POU6F2: variants seen among roughly 807,000 people sequenced by gnomAD.
The protein encoded by POU6F2 is POU class 6 homeobox 2.
Under a neutral mutation model 71.3 loss-of-function variants are expected in POU6F2, and 31 were observed. The ratio of observed to expected loss-of-function variants is 0.43; its 90% CI spans 0.33 to 0.59. The LOEUF is 0.59. Ranked by LOEUF, POU6F2 falls within the 20% of genes least tolerant of loss-of-function variation. The pLI, the probability that POU6F2 is intolerant of heterozygous loss-of-function variation, is 0.04. For missense variants in POU6F2, 783 were observed against 856.8 expected, an observed-to-expected ratio of 0.91 and a Z score of 1.07; for synonymous variants, 347 against 355.7, an observed-to-expected ratio of 0.98 and a Z score of 0.27.
intron 1 of POU6F2, among the ~76,000 whole-genome samples, chr7:39,027,252 T>C (rs971241763): frequency 6.6e-6 from 1 of 152,174 alleles, no homozygotes; most frequent in Admixed American, 6.5e-5. Flanking sequence ...TTGGGTACCT[T>C]TGATATTGCA....
chr7:39,061,805 T>TC (rs1180000849), intron 1 of POU6F2, among the ~76,000 whole-genome samples: 1 of 152,154 alleles, frequency 6.6e-6, no homozygotes, highest in African/African-American at 2.4e-5. Context: ...CATTCATTTT[T>TC]CCCCAAAAAA....
At chr7:39,364,260 C>CTTTT (rs112590056) in intron 5 of POU6F2, among the ~76,000 whole-genome samples, 5 of 143,958 alleles carry the variant, frequency 3.5e-5, no homozygotes, top group African/African-American at 1.0e-4. Flanking sequence ...TCTCTATTCT[C>CTTTT]TTTTTTTTTT....
chr7:39,379,780 C>T (rs1387419785), intron 5 of POU6F2, among the ~76,000 whole-genome samples: 1 of 152,198 alleles, frequency 6.6e-6, no homozygotes, highest in African/African-American at 2.4e-5. Flanking sequence ...ACCAACTCCC[C>T]TGGTTTTCAG....
At chr7:39,041,180 T>C (rs1296570946) in intron 1 of POU6F2, among the ~76,000 whole-genome samples, 2 of 152,014 alleles carry the variant, frequency 1.3e-5, no homozygotes, top group Non-Finnish European at 1.5e-5. Context: ...TCAGTACATA[T>C]AGCTTTATCT....
intron 5 of POU6F2, among the ~76,000 whole-genome samples, chr7:39,394,714 T>C (rs1210725817): frequency 6.6e-6 from 1 of 152,196 alleles, no homozygotes; most frequent in Non-Finnish European, 1.5e-5. Flanking sequence ...ATCTGCTCAA[T>C]TGGTCTGTGA....
chr7:39,412,724 G>A (rs1244622396), intron 6 of POU6F2, among the ~76,000 whole-genome samples: 10 of 98,300 alleles, frequency 1.0e-4, no homozygotes, highest in Non-Finnish European at 2.0e-5. Context: ...AGGCACTCTT[G>A]TTTAACCACC....
intron 2 of POU6F2, among the ~76,000 whole-genome samples, chr7:39,123,920 GAATATAAATTGCATAGATGC>G (rs567242236): frequency 1.1e-4 from 16 of 151,942 alleles, no homozygotes; most frequent in South Asian, 2.1e-4. Flanking sequence ...TACATATACA[GAATATAAATTGCATAGATGC>G]AATATAAATT....
chr7:39,060,647 T>C (rs1239393153), intron 1 of POU6F2, among the ~76,000 whole-genome samples: 1 of 152,178 alleles, frequency 6.6e-6, no homozygotes, highest in Non-Finnish European at 1.5e-5. Context: ...AGTCCAACAA[T>C]GCTGTGTAGC....
chr7:39,312,699 C>T (rs1242694457), intron 4 of POU6F2, among the ~76,000 whole-genome samples: 3 of 152,296 alleles, frequency 2.0e-5, no homozygotes, highest in Admixed American at 1.3e-4. Context: ...TCTTGCACTT[C>T]GAGGCCACTA....
intron 5 of POU6F2, among the ~76,000 whole-genome samples, chr7:39,390,368 C>T (rs1379377466): frequency 6.6e-6 from 1 of 152,168 alleles, no homozygotes; most frequent in African/African-American, 2.4e-5. Context: ...TGCACTCCAG[C>T]CTGGGCGGCA....
chr7:39,133,778 G>T (rs113099588), intron 2 of POU6F2, among the ~76,000 whole-genome samples: 2,158 of 152,324 alleles, frequency 0.014, 54 homozygotes, highest in African/African-American at 0.048. Context: ...TATTCACATA[G>T]ACCACAATGT....
chr7:39,420,334 G>A (rs1021192245), intron 6 of POU6F2, among the ~76,000 whole-genome samples: 3 of 152,186 alleles, frequency 2.0e-5, no homozygotes, highest in Non-Finnish European at 4.4e-5. Flanking sequence ...TTCCTTAAAT[G>A]AACACAAAAG....
intron 2 of POU6F2, among the ~76,000 whole-genome samples, chr7:39,170,539 G>C (rs978321540): frequency 1.3e-5 from 2 of 152,054 alleles, no homozygotes; most frequent in African/African-American, 4.8e-5. Flanking sequence ...AGGAACAATA[G>C]AGATATAATA....
At chr7:39,374,666 C>G (rs759488986) in intron 5 of POU6F2, among the ~76,000 whole-genome samples, 1 of 152,140 alleles carries the variant, frequency 6.6e-6, no homozygotes, top group African/African-American at 2.4e-5. Flanking sequence ...AGAAAGGAAC[C>G]GTCAGTCAAC....
At chr7:39,228,617 A>C (rs887862488) in intron 4 of POU6F2, among the ~76,000 whole-genome samples, 1 of 152,248 alleles carries the variant, frequency 6.6e-6, no homozygotes, top group African/African-American at 2.4e-5. Flanking sequence ...GGGACAGCCC[A>C]TGTAATCACA....
chr7:39,019,546 C>T (rs1008901523), intron 1 of POU6F2, among the ~76,000 whole-genome samples: 2 of 152,008 alleles, frequency 1.3e-5, no homozygotes, highest in African/African-American at 4.8e-5. Flanking sequence ...ATAAATTGCT[C>T]ACATTCCTTT....
intron 7 of POU6F2, 43 bp from the exon 8 acceptor site, chr7:39,451,489 AT>A: frequency 1.3e-6 from 2 of 1,539,134 alleles, no homozygotes; most frequent in South Asian, 2.4e-5. Context: ...TTTTCCCCTA[AT>A]TTTTCATTCA....
intron 1 of POU6F2, among the ~76,000 whole-genome samples, chr7:39,009,215 G>C (rs1789184972): frequency 1.3e-5 from 2 of 151,522 alleles, no homozygotes; most frequent in African/African-American, 4.8e-5. Flanking sequence ...GTGGTTTGTA[G>C]TTCTCCTTGA....
At chr7:39,011,452 A>C (rs1789281967) in intron 1 of POU6F2, among the ~76,000 whole-genome samples, 1 of 146,328 alleles carries the variant, frequency 6.8e-6, no homozygotes, top group Non-Finnish European at 1.5e-5. Context: ...AATACAGCAC[A>C]CTGATGGGTC....
Sources: gnomAD v4.1 joint callset for allele counts (sites outside exome capture counted in the v4.1 genomes callset) on GRCh38, gnomAD v4.1.1 for gene constraint, MANE v1.5 for transcripts, NCBI Gene and HGNC (gene_info 2026-07-23, HGNC 2026-07-21) for gene names.